CSMD2: variants seen among roughly 807,000 people sequenced by gnomAD.
CSMD2 encodes the protein CUB and sushi domain-containing protein 2.
CSMD2 carries 130 observed loss-of-function variants against 398.5 expected under a neutral mutation model. The ratio of observed to expected loss-of-function variants is 0.33; its 90% CI spans 0.28 to 0.38. CSMD2 has a LOEUF of 0.38. Ranked by LOEUF, CSMD2 falls within the 10% of genes least tolerant of loss-of-function variation. CSMD2 has a pLI of 1.00. For missense variants in CSMD2, 3,829 were observed against 4,764.9 expected, an observed-to-expected ratio of 0.80 and a Z score of 5.78; for synonymous variants, 1,828 against 1,908.5, an observed-to-expected ratio of 0.96 and a Z score of 1.10.
intron 32 of CSMD2, 90 bp from the exon 33 acceptor site, chr1:33,626,671 A>G: frequency 1.2e-6 from 1 of 822,336 alleles, no homozygotes; most frequent in South Asian, 1.8e-5. Flanking sequence ...AGGGGCTGCC[A>G]GTACCCCATG....
rs148810947 is a variant in CSMD2 at position 33,624,603 on chromosome 1, G to A, written c.5541C>T (p.Ile1847=). The change falls in exon 35 of 71, where the codon ATC becomes ATT. Residue 1847 remains isoleucine (I), a synonymous_variant. Coordinates refer to ENST00000373381, the MANE Select transcript of CSMD2 (RefSeq NM_001281956.2). This position sits in a 1 kb window ranked among gnomAD's most constrained non-coding sequence, Gnocchi z 4.7. Reference sequence around the variant, plus strand: ...ACGGCTCTGGGAAGCCAGGGGACAGGATGGTGCCCCTGCGCTCTGTGAGGT... The same window carrying A: ...ACGGCTCTGGGAAGCCAGGGGACAGAATGGTGCCCCTGCGCTCTGTGAGGT... ...GGNLTERRGT[I]LSPGFPEPYL... 1 of 1,613,966 alleles carries A rather than the reference G, an allele frequency of 6.2e-7. No individual in the cohort carries two copies.
rs1434077246 is a variant in CSMD2, at chr1:33,621,639, CCT to C, written c.5827+526_5827+527del. On this transcript the variant is annotated intron_variant, in intron 37 of 70. Transcript: ENST00000373381. ...AGTATGCAAGCAGTTTCCCTAGAAACCTCTTTCTTTGTTCCCCAGAAGGCACA... is the reference window on the plus strand; with the variant it reads ...AGTATGCAAGCAGTTTCCCTAGAAACCTTTCTTTGTTCCCCAGAAGGCACA... 1.2e-4 allele frequency among the ~76,000 whole-genome samples: 18 copies of C among 152,282 alleles called. No individual in the cohort carries two copies. In the South Asian group the frequency reaches 2.5e-3, roughly 21 times the overall value.
intron 14 of CSMD2, 73 bp downstream of exon 14, chr1:33,743,207 G>A: frequency 7.5e-7 from 1 of 1,327,478 alleles, no homozygotes; most frequent in Non-Finnish European, 1.0e-6. Flanking sequence ...CTCCCTCCAT[G>A]GGAGCACCTT....
At chr1:33,594,528 C>T (rs1316225045) in intron 44 of CSMD2, among the ~76,000 whole-genome samples, 1 of 152,190 alleles carries the variant, frequency 6.6e-6, no homozygotes, top group Non-Finnish European at 1.5e-5. Context: ...ATCCAGAGAG[C>T]TCCTTTATAT....
intron 5 of CSMD2, among the ~76,000 whole-genome samples, chr1:33,904,082 G>A (rs1233919927): frequency 6.6e-6 from 1 of 152,168 alleles, no homozygotes; most frequent in East Asian, 1.9e-4. Flanking sequence ...GTAGGGTCTT[G>A]TAGGATTTTA....
At position 33,962,192 on chromosome 1, in the gene CSMD2, A is replaced by G. The variant is rs1347915455; in HGVS notation, c.518-26238T>C. Among the ~76,000 whole-genome samples, 3 of 152,218 alleles carry G rather than the reference A, an allele frequency of 2.0e-5. No homozygotes were observed. In the South Asian group the frequency reaches 6.2e-4, roughly 32 times the overall value. On this transcript the variant is annotated intron_variant, in intron 3 of 70. Coordinates refer to ENST00000373381, the MANE Select transcript of CSMD2 (RefSeq NM_001281956.2). ...GCCAGCAGCCTCACTCACAGTTGAC[A>G]TCTTCCTTGCATGCTTCCCTCCCTC... is the stretch of plus-strand genomic sequence containing the variant.
At chr1:33,936,924 T>A (rs1644498990) in intron 3 of CSMD2, among the ~76,000 whole-genome samples, 1 of 152,192 alleles carries the variant, frequency 6.6e-6, no homozygotes, top group African/African-American at 2.4e-5. Context: ...ATTGAGGCTG[T>A]CTCTGAGAGG....
intron 10 of CSMD2, among the ~76,000 whole-genome samples, chr1:33,796,919 A>C (rs889332484): frequency 6.6e-6 from 1 of 152,162 alleles, no homozygotes; most frequent in Non-Finnish European, 1.5e-5. Context: ...TATGTGGTTG[A>C]GACAAGGACT....
intron 2 of CSMD2, among the ~76,000 whole-genome samples, chr1:34,057,537 C>T (rs1431760816): frequency 1.3e-5 from 2 of 152,170 alleles, no homozygotes; most frequent in Non-Finnish European, 2.9e-5. Flanking sequence ...CCCGCCCCCT[C>T]CCGGCAGGCA....
intron 5 of CSMD2, among the ~76,000 whole-genome samples, chr1:33,904,034 A>G (rs796848330): frequency 2.0e-5 from 3 of 152,286 alleles, no homozygotes; most frequent in African/African-American, 7.2e-5. Context: ...AGTGAGGGAT[A>G]GGAGGGAAGT....
rs530952584 is a variant in CSMD2 at position 33,545,935 on chromosome 1, C to A, written c.9100+102G>T. On this transcript the variant is annotated intron_variant, in intron 57 of 70. Transcript: ENST00000373381. ...CAGGCTGAGGGTTCAAATGGGGCCA[C>A]GGTTTTTTTCTGTGAGCGCAGGTGC... is the stretch of plus-strand genomic sequence containing the variant. 41 of 1,151,560 alleles carry A rather than the reference C, an allele frequency of 3.6e-5. No homozygotes were observed. The African/African-American group carries it at 5.2e-4, about 15-fold the overall frequency. 71.3% of individuals were successfully genotyped at this position (1,151,560 alleles called of 1,614,324 possible).
intron 5 of CSMD2, among the ~76,000 whole-genome samples, chr1:33,882,517 G>T (rs1346875117): frequency 6.6e-6 from 1 of 152,180 alleles, no homozygotes; most frequent in Non-Finnish European, 1.5e-5. Flanking sequence ...GTAGAATAGG[G>T]CATTAGGCTG....
At chr1:33,731,337 T>C (rs986424352) in intron 15 of CSMD2, among the ~76,000 whole-genome samples, 1 of 152,214 alleles carries the variant, frequency 6.6e-6, no homozygotes, top group Non-Finnish European at 1.5e-5. Flanking sequence ...GTTACCATTT[T>C]GTAATTCCTA....
intron 1 of CSMD2, among the ~76,000 whole-genome samples, chr1:34,157,098 T>C (rs1230843486): frequency 6.6e-6 from 1 of 152,164 alleles, no homozygotes; most frequent in African/African-American, 2.4e-5. Context: ...GGTTTCCTGG[T>C]GGTGGCCACA....
intron 25 of CSMD2, among the ~76,000 whole-genome samples, chr1:33,670,772 C>T (rs1644470148): frequency 6.6e-6 from 1 of 152,160 alleles, no homozygotes; most frequent in South Asian, 2.1e-4. Context: ...GCATACTAGG[C>T]ACTGGTGATT....
intron 43 of CSMD2, among the ~76,000 whole-genome samples, chr1:33,601,921 A>G (rs971105592): frequency 3.9e-5 from 6 of 152,238 alleles, no homozygotes; most frequent in Non-Finnish European, 7.3e-5. Context: ...CAGTTCCATC[A>G]CTGCAGAAAG....
chr1:33,523,428 T>C lies in CSMD2; in HGVS notation c.10397-9A>G, dbSNP rs1216970414. The C allele has an allele frequency of 4.7e-6, 6 of 1,287,190 alleles. No homozygotes were observed. The highest frequency in any genetic ancestry group is 4.4e-5 in the African/African-American group (3 of 68,312). The allele number at this position is 1,287,190 out of a possible 1,614,324, so 79.7% of individuals were successfully genotyped here. A position where few individuals can be genotyped will look rare whatever the true frequency, so the allele number is the denominator to read the frequency against. ...TTCTTTCTTGTAAGTTCCTGGGAAA[T>C]AAAGTTCAGGTGTTACACATGAAAG... On this transcript the variant is annotated splice_polypyrimidine_tract_variant and intron_variant, in intron 66 of 70. Coordinates refer to ENST00000373381, the MANE Select transcript of CSMD2 (RefSeq NM_001281956.2).
chr1:33,699,849 C>T (rs777416779), intron 23 of CSMD2, among the ~76,000 whole-genome samples: 5 of 152,150 alleles, frequency 3.3e-5, no homozygotes, highest in Admixed American at 6.5e-5. Flanking sequence ...ACTCCCTCAG[C>T]CCTAGGCAAC....
At chr1:33,521,260 G>A (rs1015620622) in intron 68 of CSMD2, among the ~76,000 whole-genome samples, 1 of 152,166 alleles carries the variant, frequency 6.6e-6, no homozygotes, top group African/African-American at 2.4e-5. Context: ...CAAAGGTTGA[G>A]TGGGTTATGC....
Sources: gnomAD v4.1 joint callset for allele counts (sites outside exome capture counted in the v4.1 genomes callset) on GRCh38, gnomAD v4.1.1 for gene constraint, Gnocchi (gnomAD v3.1) non-coding constraint, MANE v1.5 for transcripts, NCBI Gene and HGNC (gene_info 2026-07-23, HGNC 2026-07-21) for gene names.